Variants in PCDH7 observed in about 807,000 individuals in gnomAD.
The protein encoded by PCDH7 is protocadherin-7.
In PCDH7, 17 loss-of-function variants were observed where a neutral mutation model predicts 58.9. The ratio of observed to expected loss-of-function variants is 0.29; its 90% CI spans 0.20 to 0.43. The LOEUF is 0.43. Ranked by LOEUF, PCDH7 falls within the 20% of genes least tolerant of loss-of-function variation. The pLI, the probability that PCDH7 is intolerant of heterozygous loss-of-function variation, is 1.00. For synonymous variants in PCDH7, 664 were observed against 616.4 expected (o/e 1.08, Z -1.14); for missense variants, 1,274 against 1,441.0 (o/e 0.88, Z 1.88).
intron 1 of PCDH7, among the ~76,000 whole-genome samples, chr4:30,882,154 C>G (rs1737056014): frequency 6.9e-6 from 1 of 144,452 alleles, no homozygotes; most frequent in Non-Finnish European, 1.5e-5. Context: ...CCTCCTTTTC[C>G]TCTCCTTCCT....
intron 3 of PCDH7, among the ~76,000 whole-genome samples, chr4:31,025,738 T>A (rs1163162785): frequency 6.6e-6 from 1 of 152,196 alleles, no homozygotes; most frequent in Non-Finnish European, 1.5e-5. Flanking sequence ...TCTCCATTAT[T>A]TCAGAGATTC....
intron 1 of PCDH7, among the ~76,000 whole-genome samples, chr4:30,810,100 A>G (rs1442541055): frequency 6.6e-6 from 1 of 152,194 alleles, no homozygotes; most frequent in African/African-American, 2.4e-5. Flanking sequence ...TTTATTAACA[A>G]AAACCTAAAA....
chr4:31,095,004 G>GA (rs1477023489), intron 3 of PCDH7, among the ~76,000 whole-genome samples: 1 of 150,066 alleles, frequency 6.7e-6, no homozygotes, highest in East Asian at 2.6e-4. Context: ...GCTATAAGGT[G>GA]AAAAAATCAA....
chr4:31,140,875 G>A (rs2109347604), intron 3 of PCDH7, among the ~76,000 whole-genome samples: 1 of 152,192 alleles, frequency 6.6e-6, no homozygotes, highest in Admixed American at 6.5e-5. Context: ...ATCGGCAACT[G>A]GAATAAATAA....
At chr4:31,124,289 C>T (rs1298826941) in intron 3 of PCDH7, among the ~76,000 whole-genome samples, 2 of 152,172 alleles carry the variant, frequency 1.3e-5, no homozygotes, top group South Asian at 4.1e-4. Flanking sequence ...ACTCAATGTG[C>T]ATTTTCTCAT....
chr4:30,878,051 G>T (rs565809290), intron 1 of PCDH7, among the ~76,000 whole-genome samples: 3 of 152,222 alleles, frequency 2.0e-5, no homozygotes, highest in East Asian at 1.9e-4. Context: ...ATACTGGATT[G>T]ATATGGTAAT....
chr4:31,116,610 T>A (rs1717015942), intron 3 of PCDH7, among the ~76,000 whole-genome samples: 1 of 152,172 alleles, frequency 6.6e-6, no homozygotes, highest in African/African-American at 2.4e-5. Context: ...AAAAAAATCT[T>A]ACCTCAGGCT....
intron 3 of PCDH7, among the ~76,000 whole-genome samples, chr4:31,108,674 C>G (rs1715903941): frequency 6.6e-6 from 1 of 152,018 alleles, no homozygotes; most frequent in Non-Finnish European, 1.5e-5. Flanking sequence ...TAGAAGATGG[C>G]TGGTGTAAAG....
intron 3 of PCDH7, among the ~76,000 whole-genome samples, chr4:31,129,636 T>G (rs1465584781): frequency 2.0e-5 from 3 of 152,092 alleles, no homozygotes; most frequent in Admixed American, 2.0e-4. Context: ...TTGTTATTAT[T>G]ATTATTATTG....
At chr4:30,725,394 G>A (rs1714469918) in intron 1 of PCDH7, 2 of 479,662 alleles carry the variant, frequency 4.2e-6, no homozygotes, top group Non-Finnish European at 5.5e-6. Context: ...AGACTATTTT[G>A]GTATGCATTA....
chr4:30,764,856 G>T (rs1720499122), intron 1 of PCDH7, among the ~76,000 whole-genome samples: 2 of 151,998 alleles, frequency 1.3e-5, no homozygotes, highest in Admixed American at 6.6e-5. Flanking sequence ...GAGTAGCTTG[G>T]ATTATAGGCA....
chr4:31,068,297 C>T (rs1474864586), intron 3 of PCDH7, among the ~76,000 whole-genome samples: 1 of 135,358 alleles, frequency 7.4e-6, no homozygotes, highest in Non-Finnish European at 1.6e-5. Flanking sequence ...GAACCTAAAA[C>T]TGCTCTAAAA....
At chr4:30,977,020 A>G (rs1203186700) in intron 3 of PCDH7, among the ~76,000 whole-genome samples, 1 of 152,182 alleles carries the variant, frequency 6.6e-6, no homozygotes, top group East Asian at 1.9e-4. Context: ...TTGAAAATAT[A>G]TGGTTATTTT....
chr4:30,995,130 T>C (rs1052471732), intron 3 of PCDH7, among the ~76,000 whole-genome samples: 1 of 152,254 alleles, frequency 6.6e-6, no homozygotes, highest in Non-Finnish European at 1.5e-5. Context: ...TTTTAAATTA[T>C]GTTTGTTGTT....
chr4:31,055,566 TG>T (rs1251823749), intron 3 of PCDH7, among the ~76,000 whole-genome samples: 4 of 152,044 alleles, frequency 2.6e-5, no homozygotes, highest in African/African-American at 9.7e-5. Flanking sequence ...ATAAAGGCTT[TG>T]TTTTTTTATT....
chr4:30,924,839 A>G (rs1414066875), intron 2 of PCDH7, among the ~76,000 whole-genome samples: 3 of 152,072 alleles, frequency 2.0e-5, no homozygotes, highest in Non-Finnish European at 4.4e-5. Context: ...GTAGGAAATA[A>G]TATATATTTT....
chr4:30,865,088 C>G (rs544999915), intron 1 of PCDH7, among the ~76,000 whole-genome samples: 17 of 151,968 alleles, frequency 1.1e-4, no homozygotes, highest in African/African-American at 4.1e-4. Context: ...TTGCTTAGTG[C>G]TTATTTTTAG....
chr4:30,886,764 A>G (rs989402775), intron 1 of PCDH7, among the ~76,000 whole-genome samples: 65 of 151,614 alleles, frequency 4.3e-4, no homozygotes, highest in African/African-American at 1.5e-3. Flanking sequence ...AAAATGTGGC[A>G]CATATACACC....
At chr4:31,117,714 A>T (rs1717169483) in intron 3 of PCDH7, among the ~76,000 whole-genome samples, 1 of 152,164 alleles carries the variant, frequency 6.6e-6, no homozygotes, top group Non-Finnish European at 1.5e-5. Context: ...ACAAGGAAAA[A>T]ACCATTTGCC....
Sources: allele counts gnomAD v4.1 joint callset (sites outside exome capture counted in the v4.1 genomes callset), GRCh38; gene constraint gnomAD v4.1.1; transcripts MANE v1.5; gene names NCBI Gene and HGNC (gene_info 2026-07-23, HGNC 2026-07-21).